The following ASTN2 variants were observed in gnomAD, a reference collection of about 807,000 sequenced individuals.
The protein encoded by ASTN2 is astrotactin-2.
A neutral mutation model predicts 139.8 loss-of-function variants in ASTN2; 54 were observed. The observed-to-expected ratio is 0.39, with a 90% CI of 0.31 to 0.48. The LOEUF is 0.48. Among genes scored for constraint, ASTN2 ranks in the 20% least tolerant of loss-of-function variants. ASTN2 has a pLI of 0.95. For synonymous variants in ASTN2, 756 were observed against 719.5 expected (o/e 1.05, Z -0.81); for missense variants, 1,565 against 1,725.1 (o/e 0.91, Z 1.64).
At chr9:116,766,031 T>G (rs1028776946) in intron 13 of ASTN2, among the ~76,000 whole-genome samples, 6 of 152,174 alleles carry the variant, frequency 3.9e-5, no homozygotes, top group Non-Finnish European at 7.3e-5. Context: ...CCTGTCAATA[T>G]AACTATTAAG....
intron 5 of ASTN2, among the ~76,000 whole-genome samples, chr9:117,062,827 T>C (rs934494254): frequency 3.3e-5 from 5 of 152,228 alleles, no homozygotes; most frequent in African/African-American, 7.2e-5. Context: ...ATATTTCTTA[T>C]ATATAGCAGG....
chr9:116,572,394 C>T (rs1419659131), intron 19 of ASTN2, among the ~76,000 whole-genome samples: 1 of 152,226 alleles, frequency 6.6e-6, no homozygotes, highest in East Asian at 1.9e-4. Context: ...CAGACTTCCT[C>T]TTTCCCTTGC....
At chr9:116,820,913 T>C in intron 11 of ASTN2, 130 bp from the exon 12 acceptor site, 1 of 982,948 alleles carries the variant, frequency 1.0e-6, no homozygotes, top group African/African-American at 1.7e-5. Context: ...CTTTTGTCAG[T>C]TAATAACTTT....
At chr9:116,994,399 T>A (rs1258678499) in intron 7 of ASTN2, among the ~76,000 whole-genome samples, 4 of 152,214 alleles carry the variant, frequency 2.6e-5, no homozygotes, top group African/African-American at 9.6e-5. Context: ...CTGTTGAATA[T>A]CAGTACATAA....
intron 4 of ASTN2, among the ~76,000 whole-genome samples, chr9:117,111,421 T>G (rs1253084569): frequency 1.6e-5 from 2 of 123,344 alleles, no homozygotes. Flanking sequence ...ATTTTAGAAC[T>G]GAATATGTAT....
At chr9:116,839,878 A>AT (rs1297483642) in intron 11 of ASTN2, among the ~76,000 whole-genome samples, 11 of 104,774 alleles carry the variant, frequency 1.0e-4, no homozygotes, top group African/African-American at 3.5e-4. Context: ...TATTATTATT[A>AT]TTATTTTTTT....
intron 10 of ASTN2, among the ~76,000 whole-genome samples, chr9:116,874,604 T>A (rs11790670): frequency 0.013 from 2,038 of 152,220 alleles, 18 homozygotes; most frequent in Non-Finnish European, 0.018. Flanking sequence ...GATATGAAAG[T>A]CTCTTATCAC....
intron 20 of ASTN2, among the ~76,000 whole-genome samples, chr9:116,467,008 G>A (rs1848666606): frequency 9.9e-5 from 15 of 152,170 alleles, no homozygotes; most frequent in Admixed American, 9.8e-4. Context: ...GGGTGGGACT[G>A]TTCCTCTCAT....
intron 20 of ASTN2, among the ~76,000 whole-genome samples, chr9:116,457,238 T>C (rs546743418): frequency 6.6e-6 from 1 of 152,200 alleles, no homozygotes; most frequent in East Asian, 1.9e-4. Context: ...AGACCTCATA[T>C]TACGAAACTA....
intron 19 of ASTN2, among the ~76,000 whole-genome samples, chr9:116,580,857 G>C (rs1853918810): frequency 1.3e-5 from 2 of 152,124 alleles, no homozygotes; most frequent in Non-Finnish European, 2.9e-5. Context: ...TGGAAAAAGA[G>C]AGAAATAATA....
At chr9:117,040,938 G>T (rs1221584290) in intron 5 of ASTN2, among the ~76,000 whole-genome samples, 1 of 152,160 alleles carries the variant, frequency 6.6e-6, no homozygotes, top group Non-Finnish European at 1.5e-5. Flanking sequence ...CAGAGCAGAA[G>T]AATAATCTTT....
chr9:116,573,452 G>A (rs1853603534), intron 19 of ASTN2, among the ~76,000 whole-genome samples: 1 of 152,134 alleles, frequency 6.6e-6, no homozygotes, highest in Non-Finnish European at 1.5e-5. Flanking sequence ...AATGTCTTAT[G>A]AATTTCTAAG....
At chr9:116,765,336 C>T (rs1829780936) in intron 13 of ASTN2, among the ~76,000 whole-genome samples, 1 of 152,130 alleles carries the variant, frequency 6.6e-6, no homozygotes, top group African/African-American at 2.4e-5. Flanking sequence ...CTATTCAAAA[C>T]CCCTTCCCCA....
At chr9:117,293,444 TAA>T (rs34790653) in intron 1 of ASTN2, among the ~76,000 whole-genome samples, 55,481 of 151,636 alleles carry the variant, frequency 0.37, 11,484 homozygotes, top group East Asian at 0.56. Flanking sequence ...GAGAACATAG[TAA>T]GTTATTAGGC....
rs138756855 is a variant in ASTN2 at position 116,438,801 on chromosome 9, T to G, written c.3782+1808A>C. Among the ~76,000 whole-genome samples the G allele has an allele frequency of 4.9e-3, 751 of 152,162 alleles. 8 individuals carry two copies. The highest frequency in any genetic ancestry group is 0.017 in the African/African-American group (700 of 41,510). The stretch of plus-strand genomic sequence containing the variant: ...CTCTACTAAAAATATTTTTTAAAAA[T>G]TAGCCGGGCCTGGTGGTGGGTGTCT... On this transcript the variant is annotated intron_variant, in intron 22 of 22. Coordinates refer to ENST00000313400, the MANE Select transcript of ASTN2 (RefSeq NM_001365068.1).
Position 117,378,722 on chromosome 9 carries a change from C to A in ASTN2, c.442+35775G>T, listed in dbSNP as rs572824391. 2.6e-5 allele frequency among the ~76,000 whole-genome samples: 4 copies of A among 152,288 alleles called. No homozygotes were observed. The South Asian group carries it at 6.2e-4, about 24-fold the overall frequency. ...CTCCACACTTTATCCCTCCCAAATT[C>A]TCTGAATACCTTTGGGTCCTTCCTA... On this transcript the variant is annotated intron_variant, in intron 1 of 22. Coordinates refer to ENST00000313400, the MANE Select transcript of ASTN2 (RefSeq NM_001365068.1).
intron 10 of ASTN2, among the ~76,000 whole-genome samples, chr9:116,931,861 T>A (rs1834907024): frequency 6.6e-6 from 1 of 152,126 alleles, no homozygotes; most frequent in East Asian, 1.9e-4. Context: ...TGAGCTGAGA[T>A]CTTAATGAAG....
chr9:116,502,562 C>CA (rs1490181782), intron 19 of ASTN2, among the ~76,000 whole-genome samples: 2 of 150,258 alleles, frequency 1.3e-5, no homozygotes, highest in Non-Finnish European at 3.0e-5. Flanking sequence ...CCTAGAAAGA[C>CA]AGATAGAAAT....
chr9:116,702,454 ACTGT>A (rs1401735124), intron 16 of ASTN2, among the ~76,000 whole-genome samples: 3 of 151,968 alleles, frequency 2.0e-5, no homozygotes, highest in African/African-American at 4.8e-5. Flanking sequence ...CTTCCTTTCT[ACTGT>A]CTATTTCACA....
Sources: gnomAD v4.1 joint callset for allele counts (sites outside exome capture counted in the v4.1 genomes callset) on GRCh38, gnomAD v4.1.1 for gene constraint, MANE v1.5 for transcripts, NCBI Gene and HGNC (gene_info 2026-07-23, HGNC 2026-07-21) for gene names.